The following ADRA1B variants were observed in gnomAD, a reference collection of about 807,000 sequenced individuals.
The protein encoded by ADRA1B is adrenoceptor alpha 1B.
A neutral mutation model predicts 17.9 loss-of-function variants in ADRA1B; 17 were observed. The observed-to-expected ratio is 0.95, with a 90% CI of 0.65 to 1.42. The LOEUF is 1.42. Among genes scored for constraint, ADRA1B ranks in the 40% most tolerant of loss-of-function variants. ADRA1B has a pLI of 0.00. For missense variants in ADRA1B, 681 were observed against 722.1 expected (o/e 0.94, Z 0.65); for synonymous variants, 366 against 327.6 (o/e 1.12, Z -1.27).
chr5:159,910,987 C>T (rs2113134191), intron 1 of ADRA1B, among the ~76,000 whole-genome samples: 1 of 152,230 alleles, frequency 6.6e-6, no homozygotes, highest in Non-Finnish European at 1.5e-5. Flanking sequence ...TAGATCCTGG[C>T]AGTAGCAATA....
At chr5:159,946,882 C>G (rs1454171134) in intron 1 of ADRA1B, among the ~76,000 whole-genome samples, 1 of 152,182 alleles carries the variant, frequency 6.6e-6, no homozygotes, top group African/African-American at 2.4e-5. Flanking sequence ...AGAACAAAGA[C>G]ATGATTTCAG....
At chr5:159,955,330 A>AT (rs1751404102) in intron 1 of ADRA1B, 1 of 296,526 alleles carries the variant, frequency 3.4e-6, no homozygotes, top group South Asian at 1.3e-4. Flanking sequence ...GGGTCCAGAC[A>AT]TAACCTTAAC....
At chr5:159,903,486 T>C (rs993434399) in intron 1 of ADRA1B, among the ~76,000 whole-genome samples, 2 of 152,236 alleles carry the variant, frequency 1.3e-5, no homozygotes, top group African/African-American at 4.8e-5. Flanking sequence ...ATCCTCACTA[T>C]GATCCTCCAA....
chr5:159,972,467 T>A lies in ADRA1B; in HGVS notation c.1538T>A (p.Met513Lys). The A allele has an allele frequency of 1.4e-6, 2 of 1,386,442 alleles. No homozygotes were observed. The highest frequency in any genetic ancestry group is 2.6e-5 in the South Asian group (2 of 78,108). The allele number at this position is 1,386,442 out of a possible 1,614,324, so 85.9% of individuals were successfully genotyped here. A position where few individuals can be genotyped will look rare whatever the true frequency, so the allele number is the denominator to read the frequency against. Residue 513 changes from methionine to lysine, a missense_variant, in exon 2 of 2, where the codon ATG (methionine) becomes AAG (lysine). Physicochemically the swap from Met to Lys is moderately conservative, Grantham distance 95. Around this residue, in one of 3 missense-constraint regions of ADRA1B, gnomAD observed 251 missense variants for 224.9 expected, o/e 1.12. Coordinates refer to ENST00000306675, the MANE Select transcript of ADRA1B (RefSeq NM_000679.4). ...GGGCAGCCGGGCTTCAAAAGCAACA[T>A]GCCCCTGGCGCCCGGGCAGTTTTAG... Reference protein sequence around the residue: ...ANGQPGFKSNMPLAPGQF With the variant: ...ANGQPGFKSNKPLAPGQF
chr5:159,936,115 G>C (rs1407219085), intron 1 of ADRA1B, among the ~76,000 whole-genome samples: 2 of 152,198 alleles, frequency 1.3e-5, no homozygotes, highest in East Asian at 3.9e-4. Flanking sequence ...TTCCCCAGGG[G>C]ACGTTTAGCA....
intron 1 of ADRA1B, chr5:159,950,746 G>T: frequency 1.6e-6 from 1 of 642,010 alleles, no homozygotes; most frequent in Non-Finnish European, 2.9e-6. Flanking sequence ...ATATTTGGCA[G>T]GTTTTTCGAG....
At chr5:159,884,901 A>T (rs951925318) in intron 1 of ADRA1B, among the ~76,000 whole-genome samples, 2 of 152,248 alleles carry the variant, frequency 1.3e-5, no homozygotes, top group African/African-American at 4.8e-5. Context: ...TCCTCCGCTC[A>T]GTTACACAAC....
At chr5:159,970,637 C>A (rs964689251) in intron 1 of ADRA1B, among the ~76,000 whole-genome samples, 1 of 152,142 alleles carries the variant, frequency 6.6e-6, no homozygotes, top group South Asian at 2.1e-4. Context: ...TATACTTAGA[C>A]CAAGTGCTAG....
chr5:159,868,022 T>C (rs1753681679), intron 1 of ADRA1B: 1 of 152,196 alleles, frequency 6.6e-6, no homozygotes, highest in Non-Finnish European at 1.5e-5. Context: ...CTCTGTTCTA[T>C]AAGAATTTGT....
chr5:159,868,395 CA>C (rs1234182307), intron 1 of ADRA1B: 3 of 152,154 alleles, frequency 2.0e-5, no homozygotes, highest in Non-Finnish European at 4.4e-5. Context: ...AAAGGATACT[CA>C]GAGTAAACAA....
At chr5:159,984,826 T>C in the ADRA1B span, among the ~76,000 whole-genome samples, 1 of 151,422 alleles carries the variant, frequency 6.6e-6, no homozygotes, top group Non-Finnish European at 1.5e-5. Context: ...GGAGAATTGC[T>C]TGAACCTGGG....
chr5:159,905,669 T>C (rs1754155047), intron 1 of ADRA1B, among the ~76,000 whole-genome samples: 2 of 152,172 alleles, frequency 1.3e-5, no homozygotes, highest in Admixed American at 1.3e-4. Context: ...TGCAGAAGTA[T>C]GTAACCACAA....
intron 1 of ADRA1B, among the ~76,000 whole-genome samples, chr5:159,879,421 A>G (rs1394260834): frequency 1.3e-5 from 2 of 152,130 alleles, no homozygotes; most frequent in Admixed American, 1.3e-4. Flanking sequence ...TCCATCACTG[A>G]AACTCTTTAG....
intron 1 of ADRA1B, among the ~76,000 whole-genome samples, chr5:159,884,660 A>G (rs1273573111): frequency 6.6e-6 from 1 of 152,220 alleles, no homozygotes; most frequent in Non-Finnish European, 1.5e-5. Flanking sequence ...CAAAAATGGG[A>G]GTGGTTTTTC....
intron 1 of ADRA1B, among the ~76,000 whole-genome samples, chr5:159,894,116 C>A (rs1754016793): frequency 6.6e-6 from 1 of 152,228 alleles, no homozygotes; most frequent in African/African-American, 2.4e-5. Context: ...GAAACCCCCT[C>A]CCTACAGACA....
At chr5:159,980,986 C>T in the ADRA1B span, among the ~76,000 whole-genome samples, 1 of 152,032 alleles carries the variant, frequency 6.6e-6, no homozygotes. Flanking sequence ...TGAGCAAGGG[C>T]AGATACTAAC....
chr5:159,904,862 A>G (rs1754141854), intron 1 of ADRA1B, among the ~76,000 whole-genome samples: 1 of 152,254 alleles, frequency 6.6e-6, no homozygotes, highest in Non-Finnish European at 1.5e-5. Flanking sequence ...ACAGTGCTCA[A>G]TAAATATCTG....
At chr5:159,936,063 G>A (rs72810103) in intron 1 of ADRA1B, among the ~76,000 whole-genome samples, 32,364 of 152,132 alleles carry the variant, frequency 0.21, 4,001 homozygotes, top group Non-Finnish European at 0.28. Flanking sequence ...GATGAAATAA[G>A]ACTCTTCATG....
At chr5:159,888,326 C>A (rs557339849) in intron 1 of ADRA1B, 1 of 152,108 alleles carries the variant, frequency 6.6e-6, no homozygotes, top group South Asian at 2.1e-4. Flanking sequence ...ACAGAGAAGA[C>A]GTCATGGAAG....
Sources: gnomAD v4.1 joint callset for allele counts (sites outside exome capture counted in the v4.1 genomes callset) on GRCh38, gnomAD v4.1.1 for gene constraint, gnomAD v4.1.1 regional missense constraint, MANE v1.5 for transcripts, NCBI Gene and HGNC (gene_info 2026-07-23, HGNC 2026-07-21) for gene names.